Variants in ACVR2A observed in about 807,000 individuals in gnomAD.
ACVR2A encodes activin A receptor type 2A.
In ACVR2A, 7 loss-of-function variants were observed where a neutral mutation model predicts 61.4. The observed-to-expected ratio is 0.11, with a 90% CI of 0.06 to 0.21. ACVR2A has a LOEUF of 0.21. ACVR2A is among the 10% of genes least tolerant of loss of function. ACVR2A has a pLI of 1.00. For synonymous variants in ACVR2A, 193 were observed against 208.3 expected, an observed-to-expected ratio of 0.93 and a Z score of 0.63; for missense variants, 322 against 621.7, an observed-to-expected ratio of 0.52 and a Z score of 5.13.
Position 147,896,465 on chromosome 2 carries a change from G to C in ACVR2A, c.220G>C (p.Val74Leu), listed in dbSNP as rs1451305276. Residue 74 changes from valine to leucine, a missense_variant, in exon 2 of 11, where the codon GTG (valine) becomes CTG (leucine). By Grantham distance (32) the Val-to-Leu change is conservative. This residue lies in a region of ACVR2A where 142 missense variants were observed against 200.3 expected (regional missense o/e 0.71). Coordinates refer to ENST00000241416, the MANE Select transcript of ACVR2A (RefSeq NM_001616.5). Reference sequence around the variant, plus strand: ...GAATATTTCTGGTTCCATTGAAATAGTGAAACAAGGTTGTTGGCTGGATGA... The same window carrying C: ...GAATATTTCTGGTTCCATTGAAATACTGAAACAAGGTTGTTGGCTGGATGA... Reference protein sequence around the residue: ...WKNISGSIEIVKQGCWLDDIN... With the variant: ...WKNISGSIEILKQGCWLDDIN... 6.2e-7 allele frequency: 1 copy of C among 1,613,992 alleles called. No homozygotes were observed. The highest frequency in any genetic ancestry group is 1.3e-5 in the African/African-American group (1 of 75,018).
intron 1 of ACVR2A, among the ~76,000 whole-genome samples, chr2:147,856,764 C>A (rs1314082921): frequency 6.6e-6 from 1 of 152,160 alleles, no homozygotes; most frequent in Non-Finnish European, 1.5e-5. Context: ...GAATAAAACA[C>A]CTTTCTGAAT....
intron 1 of ACVR2A, among the ~76,000 whole-genome samples, chr2:147,863,812 G>A (rs898784300): frequency 1.3e-5 from 2 of 152,164 alleles, no homozygotes; most frequent in Admixed American, 6.5e-5. Context: ...AGTAACAGAA[G>A]TTGTTCCTTT....
intron 1 of ACVR2A, among the ~76,000 whole-genome samples, chr2:147,855,659 T>G (rs1197906494): frequency 6.6e-6 from 1 of 152,110 alleles, no homozygotes; most frequent in Non-Finnish European, 1.5e-5. Flanking sequence ...CTTATTTTAG[T>G]CATCTTATTT....
chr2:147,916,371 A>G (rs1390307701), intron 5 of ACVR2A, among the ~76,000 whole-genome samples: 1 of 151,992 alleles, frequency 6.6e-6, no homozygotes, highest in East Asian at 1.9e-4. Context: ...GACAACAGCA[A>G]CAACAGTAGC....
intron 10 of ACVR2A, 95 bp from the exon 11 acceptor site, chr2:147,926,985 C>T (rs927963458): frequency 8.3e-7 from 1 of 1,211,158 alleles, no homozygotes; most frequent in Non-Finnish European, 1.2e-6. Context: ...TTCTTTGACC[C>T]AGAAAAATAG....
chr2:147,870,370 C>T (rs1344165571), intron 1 of ACVR2A, among the ~76,000 whole-genome samples: 1 of 151,896 alleles, frequency 6.6e-6, no homozygotes, highest in Admixed American at 6.6e-5. Flanking sequence ...TGTATCTGCC[C>T]TTTTTTGATT....
intron 4 of ACVR2A, among the ~76,000 whole-genome samples, chr2:147,906,223 C>G (rs1686986254): frequency 6.6e-6 from 1 of 152,028 alleles, no homozygotes; most frequent in South Asian, 2.1e-4. Context: ...TGAAAAACGT[C>G]CCATTGTTAG....
At chr2:147,923,206 G>GT (rs1553446983) in intron 9 of ACVR2A, 95 bp downstream of exon 9, 2,129 of 1,338,656 alleles carry the variant, frequency 1.6e-3, no homozygotes, top group Non-Finnish European at 1.7e-3. Context: ...TTAAAGTACA[G>GT]TTTTTTTTTA....
chr2:147,849,969 A>G (rs765471700), intron 1 of ACVR2A, among the ~76,000 whole-genome samples: 3 of 152,130 alleles, frequency 2.0e-5, no homozygotes, highest in Non-Finnish European at 4.4e-5. Context: ...CATCTTTGAT[A>G]TTTCATGAGT....
intron 9 of ACVR2A, among the ~76,000 whole-genome samples, chr2:147,923,379 T>TA (rs1364778014): frequency 6.6e-6 from 1 of 152,012 alleles, no homozygotes; most frequent in African/African-American, 2.4e-5. Context: ...CAGAGGTAGT[T>TA]ATTATGCTTT....
intron 5 of ACVR2A, 35 bp from the exon 6 acceptor site, chr2:147,917,248 C>T (rs755168503): frequency 3.7e-6 from 6 of 1,600,176 alleles, no homozygotes; most frequent in Admixed American, 3.4e-5. Context: ...ACCTGTATTC[C>T]TTGTGTTCTT....
chr2:147,844,731 C>A, upstream of ACVR2A: 2 of 151,580 alleles, frequency 1.3e-5, no homozygotes, highest in South Asian at 3.7e-4. Context: ...CGGACCCAGT[C>A]AGTTCCCAGA....
At chr2:147,925,092 T>C (rs547990139) in intron 9 of ACVR2A, among the ~76,000 whole-genome samples, 7 of 152,154 alleles carry the variant, frequency 4.6e-5, no homozygotes, top group Admixed American at 1.3e-4. Flanking sequence ...ATCTATCTGG[T>C]CACTGATACT....
rs1191364919 is a variant in ACVR2A, at chr2:147,926,239, CTCTT to C, written c.1347+83_1347+86del. 6 of 1,511,954 alleles carry C rather than the reference CTCTT, an allele frequency of 4.0e-6. No individual in the cohort carries two copies. In the African/African-American group the frequency reaches 5.6e-5, roughly 14 times the overall value. The allele number at this position is 1,511,954 out of a possible 1,614,324, so 93.7% of individuals were successfully genotyped here. On this transcript the variant is annotated intron_variant, in intron 10 of 10. Coordinates refer to ENST00000241416, the MANE Select transcript of ACVR2A (RefSeq NM_001616.5). The stretch of plus-strand genomic sequence containing the variant: ...AGGAATTATTTATCTCTGCACATTT[CTCTT>C]TCTTCTGCAAGTATTTTCTGGAAGG...
intron 4 of ACVR2A, among the ~76,000 whole-genome samples, chr2:147,903,715 T>G (rs953535015): frequency 6.6e-6 from 1 of 151,884 alleles, no homozygotes; most frequent in African/African-American, 2.4e-5. Context: ...CCTTGAAAGA[T>G]TTGAGAAAAT....
At chr2:147,896,745 C>T in intron 2 of ACVR2A, 2 of 373,256 alleles carry the variant, frequency 5.4e-6, no homozygotes, top group Non-Finnish European at 9.7e-6. Flanking sequence ...GTAGTGAGAA[C>T]TCTGAAATAA....
At chr2:147,918,701 A>C in intron 7 of ACVR2A, 109 bp downstream of exon 7, 2 of 930,052 alleles carry the variant, frequency 2.2e-6, no homozygotes, top group South Asian at 2.6e-5. Context: ...CATGCTTTAC[A>C]AGACAGTCAG....
At chr2:147,873,826 A>G (rs1436010308) in intron 1 of ACVR2A, among the ~76,000 whole-genome samples, 1 of 151,974 alleles carries the variant, frequency 6.6e-6, no homozygotes, top group East Asian at 1.9e-4. Flanking sequence ...TTTAAGAAAA[A>G]CATCTTTTTC....
chr2:147,913,094 CT>C (rs537219410), intron 4 of ACVR2A, among the ~76,000 whole-genome samples: 2,806 of 146,556 alleles, frequency 0.019, 44 homozygotes, highest in African/African-American at 0.041. Flanking sequence ...ATTTAATGAA[CT>C]TTTTTTTTTA....
Sources: gnomAD v4.1 joint callset for allele counts (sites outside exome capture counted in the v4.1 genomes callset) on GRCh38, gnomAD v4.1.1 for gene constraint, gnomAD v4.1.1 regional missense constraint, MANE v1.5 for transcripts, NCBI Gene and HGNC (gene_info 2026-07-23, HGNC 2026-07-21) for gene names.